ARHGAP8: variants seen among roughly 807,000 people sequenced by gnomAD.
The protein encoded by ARHGAP8 is rho GTPase-activating protein 8.
Under a neutral mutation model 46.1 loss-of-function variants are expected in ARHGAP8, and 62 were observed. The ratio of observed to expected loss-of-function variants is 1.34; its 90% CI spans 1.10 to 1.66. The LOEUF (loss-of-function observed/expected upper bound fraction) is 1.66, where lower values mean the gene tolerates loss of function less well. ARHGAP8 is among the 40% of genes most tolerant of loss of function. The pLI, the probability that ARHGAP8 is intolerant of heterozygous loss-of-function variation, is 0.00. For synonymous variants in ARHGAP8, 375 were observed against 243.1 expected (o/e 1.54, Z -5.05); for missense variants, 923 against 568.4 (o/e 1.62, Z -6.34).
intron 2 of ARHGAP8, among the ~76,000 whole-genome samples, chr22:44,798,644 C>G (rs1195881380): frequency 2.0e-5 from 3 of 151,974 alleles, no homozygotes; most frequent in African/African-American, 4.8e-5. Flanking sequence ...TCTGCACCCT[C>G]AAGATCAGCG....
intron 1 of ARHGAP8, among the ~76,000 whole-genome samples, chr22:44,769,314 A>G (rs1925830717): frequency 6.6e-6 from 1 of 152,124 alleles, no homozygotes; most frequent in Non-Finnish European, 1.5e-5. Context: ...GTTCCATTCC[A>G]CTGACCTGTA....
At chr22:44,782,516 C>A (rs1237305504) in intron 1 of ARHGAP8, among the ~76,000 whole-genome samples, 1 of 151,852 alleles carries the variant, frequency 6.6e-6, no homozygotes, top group African/African-American at 2.4e-5. Context: ...TCCCTCCATT[C>A]CTGGCATCCA....
chr22:44,860,980 A>C (rs1245911594), intron 11 of ARHGAP8, among the ~76,000 whole-genome samples: 2 of 141,950 alleles, frequency 1.4e-5, no homozygotes. Flanking sequence ...AATTTCTCAG[A>C]GGCCCAAAAC....
rs5765037 is a variant in ARHGAP8 at position 44,825,774 on chromosome 22, G to C, written c.596+181G>C. On this transcript the variant is annotated intron_variant, in intron 7 of 11. Coordinates refer to ENST00000356099, the MANE Select transcript of ARHGAP8 (RefSeq NM_181335.3). ...TGGCTCGCTGCTCAGTGCCTGGTTG[G>C]GGGGGCGCGTGCTCGCTGCTCGGTG... is the stretch of plus-strand genomic sequence containing the variant. 9.3e-4 allele frequency among the ~76,000 whole-genome samples: 139 copies of C among 148,732 alleles called. 1 individual carries two copies. The East Asian group carries it at 0.017, about 18-fold the overall frequency.
At chr22:44,859,934 C>G (rs545798254) in intron 11 of ARHGAP8, 100 bp downstream of exon 11, 1 of 1,391,726 alleles carries the variant, frequency 7.2e-7, no homozygotes, top group Non-Finnish European at 9.7e-7. Flanking sequence ...GGTCTGGGGT[C>G]ATGCCCTGCT....
At chr22:44,778,576 A>G (rs532051742) in intron 1 of ARHGAP8, among the ~76,000 whole-genome samples, 1 of 152,224 alleles carries the variant, frequency 6.6e-6, no homozygotes, top group South Asian at 2.1e-4. Flanking sequence ...TGGTAGTTCT[A>G]CGTTTAGTTC....
intron 2 of ARHGAP8, among the ~76,000 whole-genome samples, chr22:44,801,222 G>T (rs796110634): frequency 1.2e-5 from 1 of 82,280 alleles, no homozygotes; most frequent in Non-Finnish European, 2.3e-5. Context: ...GCCTCTCCCC[G>T]CAGCTGTCCA....
intron 7 of ARHGAP8, among the ~76,000 whole-genome samples, chr22:44,839,400 G>T (rs1298367741): frequency 1.4e-5 from 2 of 140,588 alleles, no homozygotes; most frequent in African/African-American, 3.2e-5. Flanking sequence ...AAGCCTTATG[G>T]CTGTGGACAG....
chr22:44,759,466 G>A (rs545647110), intron 1 of ARHGAP8, among the ~76,000 whole-genome samples: 10 of 152,294 alleles, frequency 6.6e-5, no homozygotes, highest in Non-Finnish European at 1.2e-4. Context: ...GTCAAGGGGG[G>A]TGCATTAGCC....
At chr22:44,859,874 G>C (rs748776508) in intron 11 of ARHGAP8, 40 bp downstream of exon 11, 4 of 1,603,718 alleles carry the variant, frequency 2.5e-6, no homozygotes, top group African/African-American at 1.3e-5. Flanking sequence ...AAGCCCAGTG[G>C]CCTTCCCTCC....
chr22:44,765,049 G>A (rs1239754732), intron 1 of ARHGAP8, among the ~76,000 whole-genome samples: 2 of 152,214 alleles, frequency 1.3e-5, no homozygotes, highest in Non-Finnish European at 2.9e-5. Context: ...TGATGCAGAG[G>A]CTGGAGGAAA....
chr22:44,822,926 A>G (rs1930258025), intron 6 of ARHGAP8, among the ~76,000 whole-genome samples: 1 of 152,196 alleles, frequency 6.6e-6, no homozygotes, highest in East Asian at 1.9e-4. Context: ...CAAGGCTTAA[A>G]TGTAGGCCCA....
At chr22:44,801,250 C>A (rs1447984304) in intron 2 of ARHGAP8, among the ~76,000 whole-genome samples, 1 of 114,060 alleles carries the variant, frequency 8.8e-6, no homozygotes, top group Non-Finnish European at 1.8e-5. Flanking sequence ...GGGCGCCTCT[C>A]CCCGCAGCTG....
intron 1 of ARHGAP8, 102 bp from the exon 2 acceptor site, chr22:44,786,355 C>G (rs1300521740): frequency 1.4e-6 from 2 of 1,451,800 alleles, no homozygotes; most frequent in Non-Finnish European, 1.9e-6. Context: ...AGTGGGTGTG[C>G]AGCAGAGGTG....
chr22:44,810,868 C>T (rs910954804), intron 4 of ARHGAP8, among the ~76,000 whole-genome samples: 2 of 152,128 alleles, frequency 1.3e-5, no homozygotes, highest in African/African-American at 4.8e-5. Flanking sequence ...TAAGAGGCAG[C>T]AGGGAGCCAT....
intron 10 of ARHGAP8, among the ~76,000 whole-genome samples, chr22:44,852,918 C>T (rs962231772): frequency 3.9e-5 from 6 of 152,106 alleles, no homozygotes; most frequent in Non-Finnish European, 7.4e-5. Flanking sequence ...TTCTCCTGCC[C>T]CAGCCTGCCG....
intron 1 of ARHGAP8, among the ~76,000 whole-genome samples, chr22:44,781,001 G>A (rs1926804449): frequency 6.6e-6 from 1 of 152,146 alleles, no homozygotes; most frequent in South Asian, 2.1e-4. Context: ...CTCGCTTCCA[G>A]GTATCCCCTG....
Position 44,771,561 on chromosome 22 carries a change from T to A in ARHGAP8, c.-71-14896T>A, listed in dbSNP as rs559451472. 2.2e-3 allele frequency among the ~76,000 whole-genome samples: 328 copies of A among 149,420 alleles called. 2 individuals carry two copies. The highest frequency in any genetic ancestry group is 3.7e-3 in the Non-Finnish European group (251 of 67,484). On this transcript the variant is annotated intron_variant, in intron 1 of 11. Transcript: ENST00000356099. ...CCTGCCTGGCTTTTTTTTTATTTTTTATTTTTTTTTGAGACAAAGTCTTGC... is the reference window on the plus strand; with the variant it reads ...CCTGCCTGGCTTTTTTTTTATTTTTAATTTTTTTTTGAGACAAAGTCTTGC...
chr22:44,785,077 C>T (rs1927117659), intron 1 of ARHGAP8, among the ~76,000 whole-genome samples: 1 of 152,160 alleles, frequency 6.6e-6, no homozygotes, highest in African/African-American at 2.4e-5. Flanking sequence ...AGCTTCCAGC[C>T]CATGTGAGGC....
Sources: allele counts gnomAD v4.1 joint callset (sites outside exome capture counted in the v4.1 genomes callset), GRCh38; gene constraint gnomAD v4.1.1; transcripts MANE v1.5; gene names NCBI Gene and HGNC (gene_info 2026-07-23, HGNC 2026-07-21).